The following EVC2 variants were observed in gnomAD, a reference collection of about 807,000 sequenced individuals.
EVC2 encodes the protein EvC ciliary complex subunit 2.
EVC2 carries 148 observed loss-of-function variants against 149.3 expected under a neutral mutation model. The observed-to-expected ratio is 0.99, with a 90% confidence interval of 0.87 to 1.14. The LOEUF (loss-of-function observed/expected upper bound fraction) is 1.14, where lower values mean the gene tolerates loss of function less well. Ranked by LOEUF, EVC2 falls within the 50% of genes most tolerant of loss-of-function variation. The pLI is 0.00. For synonymous variants in EVC2, 776 were observed against 649.9 expected (o/e 1.19, Z -2.95); for missense variants, 1,854 against 1,627.3 (o/e 1.14, Z -2.40).
Position 5,640,429 on chromosome 4 carries a change from A to G in EVC2, c.1470+85T>C. 2.0e-6 allele frequency: 3 copies of G among 1,524,978 alleles called. No individual in the cohort carries two copies. Among genetic ancestry groups the G allele is most frequent in the Non-Finnish European group, 1.8e-6 (2 of 1,100,318 alleles). 94.5% of individuals were successfully genotyped at this position (1,524,978 alleles called of 1,614,324 possible). ...GATGGGTAGACGGATGGAGGAGGCA[A>G]ATGGACAGATGAGTGGGTAGATGGA... On this transcript the variant is annotated intron_variant, in intron 10 of 21. Transcript: ENST00000344408. This position sits in a 1 kb window ranked among gnomAD's most constrained non-coding sequence, Gnocchi z 4.6.
At chr4:5,697,072 G>A (rs1477418767) in intron 2 of EVC2, among the ~76,000 whole-genome samples, 1 of 152,194 alleles carries the variant, frequency 6.6e-6, no homozygotes, top group East Asian at 1.9e-4. Flanking sequence ...CCAAAATGGA[G>A]GAGGGCAGTA....
rs59658590 is a variant in EVC2, at chr4:5,674,523, A to G, written c.870+6737T>C. ...TCAACTTCACACAGTGCCAGGCTTT[A>G]ATAAATGATCCAATGCATAGGACCC... On this transcript the variant is annotated intron_variant, in intron 7 of 21. Transcript: ENST00000344408. Among the ~76,000 whole-genome samples, 884 of 152,310 alleles carry G rather than the reference A, an allele frequency of 5.8e-3. 9 individuals are homozygous for G. Among genetic ancestry groups the G allele is most frequent in the African/African-American group, 0.02 (828 of 41,558 alleles).
In EVC2 at chr4:5,576,431, C is replaced by T; in HGVS notation, c.3081G>A (p.Lys1027=). ...HSRELQELER[K]LEDQLVQQEA... ...CCTGCTGCACCAGCTGGTCCTCCAG[C>T]TTCCTCTCCAACTCCTGGAGCTCCT... Residue 1027 remains lysine (K), a synonymous_variant, in exon 18 of 22, where the codon AAG becomes AAA. Coordinates refer to ENST00000344408, the MANE Select transcript of EVC2 (RefSeq NM_147127.5). This position sits in a 1 kb window ranked among gnomAD's most constrained non-coding sequence, Gnocchi z 4.5. 1 of 1,606,954 alleles carries T rather than the reference C, an allele frequency of 6.2e-7. No homozygotes were observed. The highest frequency in any genetic ancestry group is 8.5e-7 in the Non-Finnish European group (1 of 1,176,538).
In EVC2 at chr4:5,640,057, G is replaced by T. The variant is rs1357876068; in HGVS notation, c.1470+457C>A. Among the ~76,000 whole-genome samples the T allele has an allele frequency of 2.6e-5, 4 of 152,032 alleles. No homozygotes were observed. The highest frequency in any genetic ancestry group is 2.9e-5 in the Non-Finnish European group (2 of 68,012). ...TGGGCAGATGGGTGGACGGGTAGAT[G>T]GAGGGGAAGCATGGGTGAATGGGTA... On this transcript the variant is annotated intron_variant, in intron 10 of 21. Coordinates refer to ENST00000344408, the MANE Select transcript of EVC2 (RefSeq NM_147127.5). The surrounding 1 kb of genome is among the most constrained non-coding windows in gnomAD (Gnocchi z 4.6).
At chr4:5,596,859 G>C (rs951096703) in intron 16 of EVC2, among the ~76,000 whole-genome samples, 5 of 152,008 alleles carry the variant, frequency 3.3e-5, no homozygotes, top group Non-Finnish European at 7.4e-5. Flanking sequence ...TCAAATACAC[G>C]CAATAAAAAA....
chr4:5,607,620 C>A (rs1011197413), intron 16 of EVC2, among the ~76,000 whole-genome samples: 3 of 152,148 alleles, frequency 2.0e-5, no homozygotes, highest in African/African-American at 4.8e-5. Context: ...CAGCCAGAGG[C>A]TCATATTTGT....
At chr4:5,581,355 T>C (rs1711760673) in intron 17 of EVC2, among the ~76,000 whole-genome samples, 2 of 152,208 alleles carry the variant, frequency 1.3e-5, no homozygotes, top group African/African-American at 4.8e-5. Context: ...TGTTACATTG[T>C]TGTGACCAAA....
chr4:5,623,338 AT>A (rs934150878), intron 13 of EVC2, among the ~76,000 whole-genome samples: 4,467 of 145,654 alleles, frequency 0.031, 181 homozygotes, highest in African/African-American at 0.095. Flanking sequence ...TTATTTATTT[AT>A]TTTTTTTATT....
chr4:5,706,815 C>G (rs1028256559), intron 1 of EVC2, among the ~76,000 whole-genome samples: 2 of 152,130 alleles, frequency 1.3e-5, no homozygotes, highest in African/African-American at 4.8e-5. Context: ...GGGACGTGCT[C>G]AAGATGCCAA....
At position 5,686,229 on chromosome 4, in the gene EVC2, T is replaced by C. The variant is rs1469696337; in HGVS notation, c.707-750A>G. Among the ~76,000 whole-genome samples, 1 of 152,074 alleles carries C rather than the reference T, an allele frequency of 6.6e-6. No individual in the cohort carries two copies. Among genetic ancestry groups the C allele is most frequent in the Non-Finnish European group, 1.5e-5 (1 of 68,012 alleles). ...TTTCATTTTTATTTAAAATTTTTTA[T>C]TTATTTATTTCTGAGACAGGCTCTC... On this transcript the variant is annotated intron_variant, in intron 5 of 21. Transcript: ENST00000344408. This position sits in a 1 kb window ranked among gnomAD's most constrained non-coding sequence, Gnocchi z 5.4.
intron 16 of EVC2, among the ~76,000 whole-genome samples, chr4:5,608,039 C>T (rs574446048): frequency 2.1e-4 from 32 of 152,158 alleles, no homozygotes; most frequent in Non-Finnish European, 3.7e-4. Flanking sequence ...GCCACAGTCC[C>T]GGGCTATGGA....
At chr4:5,632,090 T>G (rs1337366223) in intron 10 of EVC2, 58 bp from the exon 11 acceptor site, 82 of 1,605,674 alleles carry the variant, frequency 5.1e-5, no homozygotes, top group Non-Finnish European at 6.8e-5. Context: ...CACCTACATG[T>G]GCATGCAATG....
At position 5,686,947 on chromosome 4, in the gene EVC2, C is replaced by A. The variant is rs1720759016; in HGVS notation, c.707-1468G>T. 6.6e-6 allele frequency among the ~76,000 whole-genome samples: 1 copy of A among 152,040 alleles called. No homozygotes were observed. ...ATGGGCATAAATAACAAGAATGGAG[C>A]AGTAAGAATAAAAATAACAACAACA... On this transcript the variant is annotated intron_variant, in intron 5 of 21. Coordinates refer to ENST00000344408, the MANE Select transcript of EVC2 (RefSeq NM_147127.5). The surrounding 1 kb of genome is among the most constrained non-coding windows in gnomAD (Gnocchi z 5.4).
intron 7 of EVC2, among the ~76,000 whole-genome samples, chr4:5,672,824 T>G (rs542520278): frequency 6.6e-6 from 1 of 152,318 alleles, no homozygotes; most frequent in South Asian, 2.1e-4. Context: ...CAAAAAGGAA[T>G]GAAGTTCTGG....
At chr4:5,643,866 G>A (rs1026663424) in intron 9 of EVC2, among the ~76,000 whole-genome samples, 39 of 152,306 alleles carry the variant, frequency 2.6e-4, no homozygotes, top group African/African-American at 9.4e-4. Flanking sequence ...CGGCACTCCA[G>A]CCTGGGCAAT....
At chr4:5,689,084 G>A in intron 5 of EVC2, 73 bp downstream of exon 5, 2 of 1,548,316 alleles carry the variant, frequency 1.3e-6, no homozygotes, top group Non-Finnish European at 1.8e-6. Context: ...GCCTGACCCA[G>A]AACACATTCA....
chr4:5,693,147 A>G (rs1438771577), intron 3 of EVC2, among the ~76,000 whole-genome samples: 1 of 152,186 alleles, frequency 6.6e-6, no homozygotes, highest in African/African-American at 2.4e-5. Context: ...ATAAATGCAG[A>G]AGGGACGACT....
intron 9 of EVC2, among the ~76,000 whole-genome samples, chr4:5,649,243 T>C (rs1272678467): frequency 1.3e-5 from 2 of 152,176 alleles, no homozygotes; most frequent in Non-Finnish European, 2.9e-5. Flanking sequence ...ATCTTGTCAC[T>C]GTGCTTCAAA....
At chr4:5,574,896 T>C (rs556359491) in intron 18 of EVC2, 124 bp from the exon 19 acceptor site, 37 of 997,294 alleles carry the variant, frequency 3.7e-5, no homozygotes, top group Admixed American at 6.0e-5. Flanking sequence ...AATATGTCCA[T>C]AGAAAGAGAT....
Sources: gnomAD v4.1 joint callset for allele counts (sites outside exome capture counted in the v4.1 genomes callset) on GRCh38, gnomAD v4.1.1 for gene constraint, Gnocchi (gnomAD v3.1) non-coding constraint, MANE v1.5 for transcripts, NCBI Gene and HGNC (gene_info 2026-07-23, HGNC 2026-07-21) for gene names.